CCDC148: variants seen among roughly 807,000 people sequenced by gnomAD.
The protein encoded by CCDC148 is coiled-coil domain containing 148, also known as coiled-coil domain-containing protein 148.
CCDC148 carries 89 observed loss-of-function variants against 85.7 expected under a neutral mutation model. The observed-to-expected ratio is 1.04, with a 90% CI of 0.87 to 1.24. The LOEUF is 1.24. Ranked by LOEUF, CCDC148 falls within the 50% of genes most tolerant of loss-of-function variation. The pLI is 0.00. For missense variants in CCDC148, 692 were observed against 671.7 expected (o/e 1.03, Z -0.33); for synonymous variants, 230 against 213.9 (o/e 1.08, Z -0.66).
chr2:158,341,304 T>A (rs996202587), intron 3 of CCDC148, among the ~76,000 whole-genome samples: 2 of 111,460 alleles, frequency 1.8e-5, no homozygotes, highest in Non-Finnish European at 3.4e-5. Context: ...TATGTGTACA[T>A]ACATATTTTT....
At chr2:158,217,368 G>GTTTATATATATATATATA (rs1558990175) in intron 11 of CCDC148, among the ~76,000 whole-genome samples, 5 of 76,104 alleles carry the variant, frequency 6.6e-5, no homozygotes, top group African/African-American at 2.1e-4. Flanking sequence ...AATTTTGTGT[G>GTTTATATATATATATATA]TGTGTGTATA....
chr2:158,251,234 G>GT (rs900333187), intron 9 of CCDC148, among the ~76,000 whole-genome samples: 7 of 151,312 alleles, frequency 4.6e-5, no homozygotes, highest in Non-Finnish European at 7.4e-5. Context: ...TTTTGCCTAT[G>GT]TTTTTTTTCC....
chr2:158,268,000 T>C (rs1689543193), intron 9 of CCDC148, among the ~76,000 whole-genome samples: 1 of 152,198 alleles, frequency 6.6e-6, no homozygotes, highest in Non-Finnish European at 1.5e-5. Context: ...TCATTAGTTG[T>C]AGGACGTTTG....
At chr2:158,448,920 C>G (rs1299896728) in intron 1 of CCDC148, among the ~76,000 whole-genome samples, 1 of 151,868 alleles carries the variant, frequency 6.6e-6, no homozygotes, top group Non-Finnish European at 1.5e-5. Context: ...CTCCGCCTCC[C>G]AAGTTCAAGC....
chr2:158,357,945 T>C (rs1683746049), intron 2 of CCDC148, among the ~76,000 whole-genome samples: 1 of 152,208 alleles, frequency 6.6e-6, no homozygotes, highest in Admixed American at 6.5e-5. Flanking sequence ...AAACTACACA[T>C]GGTCCTAAAA....
chr2:158,329,128 T>G (rs1188738987), intron 7 of CCDC148, among the ~76,000 whole-genome samples: 1 of 152,228 alleles, frequency 6.6e-6, no homozygotes, highest in Non-Finnish European at 1.5e-5. Flanking sequence ...GGTTTTCTTC[T>G]AGGGTTTTTA....
chr2:158,335,968 C>A (rs1337940202), intron 7 of CCDC148, among the ~76,000 whole-genome samples: 1 of 152,090 alleles, frequency 6.6e-6, no homozygotes, highest in African/African-American at 2.4e-5. Flanking sequence ...ATGGGACTAA[C>A]CATGATGTCC....
Position 158,172,269 on chromosome 2 carries a change from T to C in CCDC148, c.1630-10A>G. The C allele has an allele frequency of 6.3e-7, 1 of 1,578,018 alleles. No homozygotes were observed. Among genetic ancestry groups the C allele is most frequent in the Admixed American group, 1.9e-5 (1 of 53,892 alleles). On this transcript the variant is annotated splice_polypyrimidine_tract_variant and intron_variant, in intron 13 of 13. Transcript: ENST00000283233. ...TAGGGTCAGAAATTATCTGTAGAAA[T>C]AAAAATACAATTTAAATAACAATTC...
At chr2:158,456,322 G>A in intron 1 of CCDC148, 93 bp downstream of exon 1, 4 of 1,273,492 alleles carry the variant, frequency 3.1e-6, no homozygotes, top group Non-Finnish European at 4.5e-6. Flanking sequence ...CAGGGAAGGG[G>A]GAGTGGCTGC....
chr2:158,432,994 T>C (rs1184049990), intron 1 of CCDC148, among the ~76,000 whole-genome samples: 1 of 148,986 alleles, frequency 6.7e-6, no homozygotes, highest in African/African-American at 2.5e-5. Context: ...TCCCAGCATC[T>C]TGGGAGGCCA....
chr2:158,435,258 A>C (rs1687587290), intron 1 of CCDC148, among the ~76,000 whole-genome samples: 2 of 152,256 alleles, frequency 1.3e-5, no homozygotes, highest in African/African-American at 4.8e-5. Flanking sequence ...AGGGAAGCCC[A>C]TCAGACTAAT....
At chr2:158,332,062 G>C (rs1693160904) in intron 7 of CCDC148, among the ~76,000 whole-genome samples, 1 of 152,052 alleles carries the variant, frequency 6.6e-6, no homozygotes, top group Non-Finnish European at 1.5e-5. Context: ...ATGTTAGCTG[G>C]TTATTTTGCT....
intron 10 of CCDC148, among the ~76,000 whole-genome samples, chr2:158,245,149 G>T (rs1688517332): frequency 6.6e-6 from 1 of 152,100 alleles, no homozygotes; most frequent in African/African-American, 2.4e-5. Flanking sequence ...AATAAGAATG[G>T]TTACAGTCCT....
At chr2:158,219,976 A>G (rs1346761784) in intron 11 of CCDC148, among the ~76,000 whole-genome samples, 2 of 152,154 alleles carry the variant, frequency 1.3e-5, no homozygotes, top group African/African-American at 2.4e-5. Flanking sequence ...CCCTGTTCAA[A>G]TTACTATATG....
At chr2:158,194,822 G>A (rs567164922) in intron 11 of CCDC148, among the ~76,000 whole-genome samples, 1 of 151,776 alleles carries the variant, frequency 6.6e-6, no homozygotes, top group African/African-American at 2.4e-5. Flanking sequence ...TTTTTATTTT[G>A]AATGGTCCCA....
At chr2:158,357,890 C>A (rs146220444) in intron 2 of CCDC148, among the ~76,000 whole-genome samples, 2 of 152,096 alleles carry the variant, frequency 1.3e-5, no homozygotes, top group African/African-American at 4.8e-5. Flanking sequence ...TTTCAATGAA[C>A]GCTATTATTT....
In CCDC148 at chr2:158,328,746, G is replaced by A. The variant is rs189848324; in HGVS notation, c.764+9980C>T. ...TGGTATCTCATTGTGGTTTTGATTT[G>A]CATTTCTCTGATGGCCAGTGATGAT... On this transcript the variant is annotated intron_variant, in intron 7 of 13. Coordinates refer to ENST00000283233, the MANE Select transcript of CCDC148 (RefSeq NM_138803.4). Among the ~76,000 whole-genome samples, 402 of 152,294 alleles carry A rather than the reference G, an allele frequency of 2.6e-3. 3 individuals carry two copies. Among genetic ancestry groups the A allele is most frequent in the African/African-American group, 9.0e-3 (374 of 41,564 alleles).
chr2:158,275,065 G>C (rs1689866727), intron 9 of CCDC148, among the ~76,000 whole-genome samples: 1 of 152,254 alleles, frequency 6.6e-6, no homozygotes. Flanking sequence ...CAAGGAAAAG[G>C]AGGAGGAGGA....
chr2:158,338,750 T>C lies in CCDC148; in HGVS notation c.740A>G (p.Asn247Ser), dbSNP rs769501490. Residue 247 changes from asparagine (N) to serine (S), a missense_variant, in exon 7 of 14, where the codon AAT (asparagine) becomes AGT (serine). Asn to Ser is a conservative substitution (Grantham distance 46). Transcript: ENST00000283233. ...QKYQKKLQDF[N>S]LQLEDIYRNC... ...CCTGTATATGTCTTCCAACTGCAGA[T>C]TAAAGTCTTGAAGCTTCTTCTGATA... is the stretch of plus-strand genomic sequence containing the variant. 1.2e-6 allele frequency: 2 copies of C among 1,608,166 alleles called. No homozygotes were observed. Among genetic ancestry groups the C allele is most frequent in the Non-Finnish European group, 1.7e-6 (2 of 1,178,658 alleles).
Sources: allele counts gnomAD v4.1 joint callset (sites outside exome capture counted in the v4.1 genomes callset), GRCh38; gene constraint gnomAD v4.1.1; transcripts MANE v1.5; gene names NCBI Gene and HGNC (gene_info 2026-07-23, HGNC 2026-07-21).